The following KTN1 variants were observed in gnomAD, a reference collection of about 807,000 sequenced individuals.
KTN1 encodes the protein kinectin 1, also known as kinectin.
In KTN1, 130 loss-of-function variants were observed where a neutral mutation model predicts 222.5. That is an observed-to-expected ratio of 0.58 (90% CI 0.51 to 0.68). The LOEUF (loss-of-function observed/expected upper bound fraction) is 0.68. Among genes scored for constraint, KTN1 ranks in the 30% least tolerant of loss-of-function variants. KTN1 has a pLI of 0.00. For missense variants in KTN1, 1,508 were observed against 1,500.4 expected (o/e 1.01, Z -0.08); for synonymous variants, 512 against 496.3 (o/e 1.03, Z -0.42).
At chr14:55,636,404 C>A in intron 9 of KTN1, 45 bp from the exon 10 acceptor site, 3 of 1,426,054 alleles carry the variant, frequency 2.1e-6, no homozygotes, top group Non-Finnish European at 2.9e-6. Flanking sequence ...AGTAGAAATT[C>A]TGTGTTTGTG....
At position 55,651,017 on chromosome 14, in the gene KTN1, CA is replaced by C. The variant is rs11340156; in HGVS notation, c.2565+382del. Among the ~76,000 whole-genome samples, 1,484 of 152,106 alleles carry C rather than the reference CA, an allele frequency of 9.8e-3. 23 individuals carry two copies. Among genetic ancestry groups the C allele is most frequent in the African/African-American group, 0.034 (1,431 of 41,506 alleles). On this transcript the variant is annotated intron_variant, in intron 24 of 43. Coordinates refer to ENST00000395314, the MANE Select transcript of KTN1 (RefSeq NM_001079521.2). The stretch of plus-strand genomic sequence containing the variant: ...TCTATCTCTGCCTTAGAACAAAGTA[CA>C]AGTTTCATTGGGATTTCAGACATAG...
chr14:55,615,145 G>A (rs1482505807), intron 2 of KTN1, among the ~76,000 whole-genome samples: 2 of 152,134 alleles, frequency 1.3e-5, no homozygotes, highest in African/African-American at 4.8e-5. Context: ...GAATTATCAT[G>A]GGAACTGATA....
At position 55,633,248 on chromosome 14, in the gene KTN1, G is replaced by T; in HGVS notation, c.1235G>T (p.Arg412Leu). ...AAATAATTTTAGTTTCAGCAAGTTC[G>T]TGAGCAGATGGAGGCAGAGATAGCT... ...QQMQMKFQQVREQMEAEIAHL... is the reference protein window; with the variant it reads ...QQMQMKFQQVLEQMEAEIAHL... The change falls in exon 8 of 44, where the codon CGT (arginine) becomes CTT (leucine). Residue 412 changes from arginine (R) to leucine (L), a missense_variant. Arg to Leu is a moderately radical substitution (Grantham distance 102). Coordinates refer to ENST00000395314, the MANE Select transcript of KTN1 (RefSeq NM_001079521.2). 3.2e-6 allele frequency: 5 copies of T among 1,578,496 alleles called. No individual in the cohort carries two copies. The highest frequency in any genetic ancestry group is 4.3e-6 in the Non-Finnish European group (5 of 1,162,560).
At chr14:55,665,159 A>C (rs1276616948) in intron 33 of KTN1, among the ~76,000 whole-genome samples, 1 of 152,080 alleles carries the variant, frequency 6.6e-6, no homozygotes, top group Non-Finnish European at 1.5e-5. Context: ...TCTAGGTCAG[A>C]TAGGACATTT....
At chr14:55,637,985 C>G (rs552685113) in intron 12 of KTN1, 138 bp downstream of exon 12, 65 of 610,282 alleles carry the variant, frequency 1.1e-4, no homozygotes, top group Non-Finnish European at 1.7e-4. Context: ...ATCCTGAGTG[C>G]TAAACACTTG....
At chr14:55,660,656 G>A (rs1285024454) in intron 31 of KTN1, among the ~76,000 whole-genome samples, 3 of 152,030 alleles carry the variant, frequency 2.0e-5, no homozygotes, top group Admixed American at 6.6e-5. Context: ...CTATTAAATC[G>A]AGTCTTGAGT....
intron 1 of KTN1, 162 bp from the exon 2 acceptor site, chr14:55,611,857 G>T (rs934076331): frequency 5.7e-6 from 2 of 349,736 alleles, no homozygotes; most frequent in Non-Finnish European, 1.0e-5. Context: ...AATTGTAGTT[G>T]GCAAATAAAT....
chr14:55,650,006 A>C (rs898615390), intron 22 of KTN1, among the ~76,000 whole-genome samples, 193 bp downstream of exon 22: 1 of 151,624 alleles, frequency 6.6e-6, no homozygotes, highest in African/African-American at 2.4e-5. Context: ...AAAAAAAAAA[A>C]ACAAAAAAAA....
chr14:55,647,683 C>T (rs1238444120), intron 19 of KTN1, among the ~76,000 whole-genome samples: 12 of 132,398 alleles, frequency 9.1e-5, no homozygotes, highest in African/African-American at 3.1e-4. Flanking sequence ...GTGGCTGATG[C>T]TGGTAATCCC....
Position 55,650,457 on chromosome 14 carries a change from T to C in KTN1, c.2496+39T>C, listed in dbSNP as rs959366777. 6 of 1,546,972 alleles carry C rather than the reference T, an allele frequency of 3.9e-6. 1 individual carries two copies. The African/African-American group carries it at 8.3e-5, about 21-fold the overall frequency. ...GAGAACTGTGTTTTATGTTTTTGTT[T>C]ATCAACTTTAGTTAATATCATTTAA... On this transcript the variant is annotated intron_variant, in intron 23 of 43. Transcript: ENST00000395314.
intron 32 of KTN1, chr14:55,663,687 C>A: frequency 6.5e-6 from 2 of 305,570 alleles, no homozygotes; most frequent in Non-Finnish European, 1.2e-5. Context: ...CTTTTGAATG[C>A]TTTCTTCTTT....
In KTN1 at chr14:55,630,006, A is replaced by C. The variant is rs760730965; in HGVS notation, c.1130A>C (p.Lys377Thr). 8 of 1,602,850 alleles carry C rather than the reference A, an allele frequency of 5.0e-6. No individual in the cohort carries two copies. The highest frequency in any genetic ancestry group is 6.8e-6 in the Non-Finnish European group (8 of 1,169,882). Residue 377 changes from lysine (K) to threonine (T), a missense_variant, in exon 7 of 44, where the codon AAA (lysine) becomes ACA (threonine). Transcript: ENST00000395314. ...AGCAATGTGGTTATAACAAGGATGA[A>C]AGATCGAATTGGAACATTAGAAAAG... ...ERSNVVITRMKDRIGTLEKEH... is the reference protein window; with the variant it reads ...ERSNVVITRMTDRIGTLEKEH...
intron 8 of KTN1, 27 bp from the exon 9 acceptor site, chr14:55,634,499 G>T (rs780273935): frequency 1.3e-6 from 2 of 1,565,738 alleles, no homozygotes; most frequent in Non-Finnish European, 1.7e-6. Context: ...AATAACGGAA[G>T]GCTCCTAATC....
At chr14:55,623,899 T>C (rs1204706210) in intron 5 of KTN1, among the ~76,000 whole-genome samples, 1 of 152,188 alleles carries the variant, frequency 6.6e-6, no homozygotes, top group African/African-American at 2.4e-5. Context: ...GCTGGTAGCT[T>C]ATGGGGGCAA....
chr14:55,580,660 C>T (rs1476398459), intron 1 of KTN1, among the ~76,000 whole-genome samples: 1 of 151,982 alleles, frequency 6.6e-6, no homozygotes, highest in Non-Finnish European at 1.5e-5. Context: ...CACCCCCCAC[C>T]CTCCCCAAGG....
intron 9 of KTN1, 109 bp from the exon 10 acceptor site, chr14:55,636,340 A>G (rs2140959434): frequency 1.4e-6 from 1 of 721,190 alleles, no homozygotes; most frequent in East Asian, 2.8e-5. Context: ...TGCAATAAGC[A>G]GTTTTATGAT....
intron 5 of KTN1, among the ~76,000 whole-genome samples, chr14:55,622,878 A>G (rs766726074): frequency 6.6e-5 from 10 of 152,204 alleles, no homozygotes; most frequent in East Asian, 3.8e-4. Context: ...TAACAGGTCT[A>G]TGTCCTGCCT....
chr14:55,634,766 A>G (rs924473510), intron 9 of KTN1, 108 bp downstream of exon 9: 1 of 908,862 alleles, frequency 1.1e-6, no homozygotes, highest in Non-Finnish European at 1.6e-6. Context: ...TTTTTAAGGA[A>G]AGAGGTTTAA....
chr14:55,591,902 CAT>C (rs1170613560), intron 1 of KTN1, among the ~76,000 whole-genome samples: 5 of 152,244 alleles, frequency 3.3e-5, no homozygotes, highest in South Asian at 2.1e-4. Context: ...TGAGAGAAAA[CAT>C]ATTTTCAGAG....
Sources: allele counts gnomAD v4.1 joint callset (sites outside exome capture counted in the v4.1 genomes callset), GRCh38; gene constraint gnomAD v4.1.1; transcripts MANE v1.5; gene names NCBI Gene and HGNC (gene_info 2026-07-23, HGNC 2026-07-21).